The following FOXJ2 variants were observed in gnomAD, a reference collection of about 807,000 sequenced individuals.
The protein encoded by FOXJ2 is forkhead box protein J2.
FOXJ2 carries 18 observed loss-of-function variants against 68.4 expected under a neutral mutation model. The ratio of observed to expected loss-of-function variants is 0.26; its 90% CI spans 0.18 to 0.39. The LOEUF (loss-of-function observed/expected upper bound fraction) is 0.39, where lower values mean the gene tolerates loss of function less well. FOXJ2 is among the 10% of genes least tolerant of loss of function. The pLI is 1.00. For synonymous variants in FOXJ2, 274 were observed against 263.2 expected, an observed-to-expected ratio of 1.04 and a Z score of -0.40; for missense variants, 670 against 726.5, an observed-to-expected ratio of 0.92 and a Z score of 0.89.
At chr12:8,048,351 C>A in intron 7 of FOXJ2, 62 bp downstream of exon 7, 1 of 1,501,814 alleles carries the variant, frequency 6.7e-7, no homozygotes, top group Non-Finnish European at 8.9e-7. Flanking sequence ...GTCCTAACAC[C>A]GGCATGGAGG....
rs756999726 is a variant in FOXJ2 at position 8,048,049 on chromosome 12, G to T, written c.985G>T (p.Ala329Ser). The change falls in exon 7 of 11, where the codon GCT becomes TCT. Residue 329 changes from alanine (A) to serine (S), a missense_variant. Ala to Ser is a moderately conservative substitution (Grantham distance 99). Coordinates refer to ENST00000162391, the MANE Select transcript of FOXJ2 (RefSeq NM_018416.3). ...GCAGGCACCTGCCCAGGGCCCCTCA[G>T]CTGTAGGGGGTGCTCCTCCACTGCA... is the stretch of plus-strand genomic sequence containing the variant. ...QQQAPAQGPS[A>S]VGGAPPLHTP... The T allele has an allele frequency of 6.2e-7, 1 of 1,613,138 alleles. No homozygotes were observed. Among genetic ancestry groups the T allele is most frequent in the South Asian group, 1.1e-5 (1 of 91,014 alleles).
chr12:8,050,413 G>A, intron 9 of FOXJ2, 109 bp from the exon 10 acceptor site: 1 of 1,471,632 alleles, frequency 6.8e-7, no homozygotes, highest in Non-Finnish European at 9.0e-7. Flanking sequence ...AACAGGGCAG[G>A]GAAGAGAGAA....
In FOXJ2 at chr12:8,035,206, T is replaced by C. The variant is rs1946881087; in HGVS notation, c.-15+1373T>C. ...TCTCTGTTTCAAGTGGGTATGTGTG[T>C]GGAGACAGGTACTTATGTGCTTTTC... On this transcript the variant is annotated intron_variant, in intron 1 of 10. Coordinates refer to ENST00000162391, the MANE Select transcript of FOXJ2 (RefSeq NM_018416.3). This position sits in a 1 kb window ranked among gnomAD's most constrained non-coding sequence, Gnocchi z 4.0. Among the ~76,000 whole-genome samples the C allele has an allele frequency of 6.6e-6, 1 of 152,202 alleles. No homozygotes were observed. Among genetic ancestry groups the C allele is most frequent in the Non-Finnish European group, 1.5e-5 (1 of 68,032 alleles).
rs1335065844 is a variant in FOXJ2, at chr12:8,035,577, T to C, written c.-15+1744T>C. Among the ~76,000 whole-genome samples, 1 of 152,218 alleles carries C rather than the reference T, an allele frequency of 6.6e-6. No individual in the cohort carries two copies. Among genetic ancestry groups the C allele is most frequent in the African/African-American group, 2.4e-5 (1 of 41,458 alleles). On this transcript the variant is annotated intron_variant, in intron 1 of 10. Transcript: ENST00000162391. This position sits in a 1 kb window ranked among gnomAD's most constrained non-coding sequence, Gnocchi z 4.0. ...CGCTGGTTAACAGCAGCCTGTTTCT[T>C]ATAAAGTACTTCACCAGATGCTGGC...
At position 8,048,780 on chromosome 12, in the gene FOXJ2, G is replaced by A; in HGVS notation, c.1309G>A (p.Glu437Lys). 6.2e-7 allele frequency: 1 copy of A among 1,613,888 alleles called. No homozygotes were observed. ...MVNRLNWSSI[E>K]QSQFSELMES... ...GAATCGGCTCAATTGGTCCAGCATTGAGCAGTCACAATTCTCAGGTTAGTG... is the reference window on the plus strand; with the variant it reads ...GAATCGGCTCAATTGGTCCAGCATTAAGCAGTCACAATTCTCAGGTTAGTG... Residue 437 changes from glutamate to lysine, a missense_variant, in exon 8 of 11, where the codon GAG becomes AAG. Physicochemically the swap from Glu to Lys is moderately conservative, Grantham distance 56. Transcript: ENST00000162391.
intron 6 of FOXJ2, among the ~76,000 whole-genome samples, chr12:8,047,342 G>A (rs1050210046): frequency 6.6e-6 from 1 of 152,000 alleles, no homozygotes; most frequent in African/African-American, 2.4e-5. Context: ...TCAGCTACTC[G>A]GGAGGCTGAG....
Position 8,049,408 on chromosome 12 carries a change from C to T in FOXJ2, c.1374C>T (p.Leu458=), listed in dbSNP as rs774854235. 26 of 1,613,890 alleles carry T rather than the reference C, an allele frequency of 1.6e-5. No individual in the cohort carries two copies. Among genetic ancestry groups the T allele is most frequent in the Admixed American group, 8.3e-5 (5 of 59,980 alleles). Residue 458 remains leucine (L), a synonymous_variant, in exon 9 of 11, where the codon CTC becomes CTT. Coordinates refer to ENST00000162391, the MANE Select transcript of FOXJ2 (RefSeq NM_018416.3). The part of the protein sequence containing the change: ...LRQAEQKNWT[L]DQHHIANLCD... ...AGGCAGAGCAGAAGAACTGGACCCT[C>T]GACCAGCATCACATTGCCAATCTGT...
rs1202610288 is a variant in FOXJ2, at chr12:8,048,273, C to A, written c.1209C>A (p.Ile403=). ...PQPQAQGQAP[I]NNTGFAFPSD... ...CACAGGCACAAGGCCAGGCTCCCAT[C>A]AACAACACTGGCTTTGGTGAGTAAG... Residue 403 remains isoleucine, a synonymous_variant, in exon 7 of 11, where the codon ATC becomes ATA. Coordinates refer to ENST00000162391, the MANE Select transcript of FOXJ2 (RefSeq NM_018416.3). The A allele has an allele frequency of 6.4e-7, 1 of 1,574,188 alleles. No homozygotes were observed. The highest frequency in any genetic ancestry group is 1.2e-5 in the South Asian group (1 of 84,836).
At chr12:8,036,266 T>C (rs766564949) in intron 1 of FOXJ2, among the ~76,000 whole-genome samples, 66 of 152,362 alleles carry the variant, frequency 4.3e-4, no homozygotes, top group African/African-American at 1.4e-3. Context: ...TTACCTGACA[T>C]TGGCATTAGA....
chr12:8,047,769 C>A (rs1421019411), intron 6 of FOXJ2, 113 bp from the exon 7 acceptor site: 1 of 1,361,332 alleles, frequency 7.3e-7, no homozygotes, highest in Non-Finnish European at 1.0e-6. Context: ...AATGTTCTTA[C>A]CCTTTTAACT....
Position 8,048,167 on chromosome 12 carries a change from C to T in FOXJ2, c.1103C>T (p.Pro368Leu). ...GPPPVMAMHP[P>L]PLQHGGYHPH... ...CCCCCTGTAATGGCCATGCATCCAC[C>T]CCCGCTGCAGCATGGAGGCTACCAC... Residue 368 changes from proline to leucine, a missense_variant, in exon 7 of 11, where the codon CCC becomes CTC. Physicochemically the swap from Pro to Leu is moderately conservative, Grantham distance 98. Around this residue, in one of 2 missense-constraint regions of FOXJ2, gnomAD observed 555 missense variants for 562.2 expected, o/e 0.99. Transcript: ENST00000162391. 6.2e-7 allele frequency: 1 copy of T among 1,613,960 alleles called. No individual in the cohort carries two copies. Among genetic ancestry groups the T allele is most frequent in the Non-Finnish European group, 8.5e-7 (1 of 1,179,920 alleles).
chr12:8,039,395 G>A (rs761633454), intron 1 of FOXJ2, among the ~76,000 whole-genome samples: 1 of 152,172 alleles, frequency 6.6e-6, no homozygotes, highest in Non-Finnish European at 1.5e-5. Context: ...CCGTCTATCT[G>A]TGCATGTTGT....
intron 10 of FOXJ2, among the ~76,000 whole-genome samples, chr12:8,052,285 C>T (rs898189182): frequency 5.9e-5 from 9 of 151,332 alleles, no homozygotes; most frequent in African/African-American, 2.2e-4. Context: ...TGCAATGGCA[C>T]GGTCTTAGCT....
chr12:8,040,298 A>C lies in FOXJ2; in HGVS notation c.333+133A>C, dbSNP rs114219114. ...CAGAGATGTGAAAACTTAAAATCTC[A>C]TATGTTCTGCCCTCTACTTTTTTTT... On this transcript the variant is annotated intron_variant, in intron 2 of 10. Transcript: ENST00000162391. This position sits in a 1 kb window ranked among gnomAD's most constrained non-coding sequence, Gnocchi z 4.0. 20 of 934,886 alleles carry C rather than the reference A, an allele frequency of 2.1e-5. No homozygotes were observed. The highest frequency in any genetic ancestry group is 3.1e-5 in the Non-Finnish European group (20 of 636,242). 57.9% of individuals were successfully genotyped at this position (934,886 alleles called of 1,614,324 possible). A position where few individuals can be genotyped will look rare whatever the true frequency, so the allele number is the denominator to read the frequency against.
rs1862698169 is a variant in FOXJ2, at chr12:8,040,954, G to T, written c.333+789G>T. Among the ~76,000 whole-genome samples, 1 of 152,144 alleles carries T rather than the reference G, an allele frequency of 6.6e-6. No individual in the cohort carries two copies. Among genetic ancestry groups the T allele is most frequent in the African/African-American group, 2.4e-5 (1 of 41,422 alleles). ...AATATAATTAGGTTCTTTACAAACA[G>T]CTGGCTACCAAGCAAGTAATGAGAA... On this transcript the variant is annotated intron_variant, in intron 2 of 10. Transcript: ENST00000162391. This position sits in a 1 kb window ranked among gnomAD's most constrained non-coding sequence, Gnocchi z 4.0.
chr12:8,049,157 A>G (rs1186610920), intron 8 of FOXJ2, among the ~76,000 whole-genome samples: 1 of 152,242 alleles, frequency 6.6e-6, no homozygotes, highest in Non-Finnish European at 1.5e-5. Flanking sequence ...CTCATCAGTA[A>G]GATGGCAATT....
At position 8,040,135 on chromosome 12, in the gene FOXJ2, C is replaced by G. The variant is rs143696902; in HGVS notation, c.303C>G (p.Pro101=). The G allele has an allele frequency of 2.5e-6, 4 of 1,614,026 alleles. No homozygotes were observed. The African/African-American group carries it at 4.0e-5, about 16-fold the overall frequency. The change falls in exon 2 of 11, where the codon CCC becomes CCG. Residue 101 remains proline (P), a synonymous_variant. Transcript: ENST00000162391. The surrounding 1 kb of genome is among the most constrained non-coding windows in gnomAD (Gnocchi z 4.0). ...EIYRWICDNF[P]YYKNAGIGWK... is the part of the protein sequence containing the mutation. ...ACCGCTGGATCTGTGATAACTTCCC[C>G]TATTACAAGAATGCTGGCATTGGTT...
intron 3 of FOXJ2, 137 bp downstream of exon 3, chr12:8,042,869 C>T: frequency 1.3e-6 from 1 of 745,668 alleles, no homozygotes; most frequent in Non-Finnish European, 2.2e-6. Context: ...ATTTTTTTCT[C>T]AGAGGAAGCT....
At chr12:8,034,946 A>G (rs1946877939) in intron 1 of FOXJ2, among the ~76,000 whole-genome samples, 1 of 152,190 alleles carries the variant, frequency 6.6e-6, no homozygotes, top group Admixed American at 6.5e-5. Context: ...CTGCCTCACC[A>G]TTAGCAGATA....
Sources: gnomAD v4.1 joint callset for allele counts (sites outside exome capture counted in the v4.1 genomes callset) on GRCh38, gnomAD v4.1.1 for gene constraint, gnomAD v4.1.1 regional missense constraint, Gnocchi (gnomAD v3.1) non-coding constraint, MANE v1.5 for transcripts, NCBI Gene and HGNC (gene_info 2026-07-23, HGNC 2026-07-21) for gene names.